The following ZNF804B variants were observed in gnomAD, a reference collection of about 807,000 sequenced individuals.
ZNF804B encodes zinc finger 804B.
ZNF804B carries 80 observed loss-of-function variants against 101.4 expected under a neutral mutation model. That is an observed-to-expected ratio of 0.79 (90% CI 0.66 to 0.95). The LOEUF is 0.95. ZNF804B is among the 40% of genes least tolerant of loss of function. The pLI is 0.00. For synonymous variants in ZNF804B, 622 were observed against 558.8 expected (o/e 1.11, Z -1.59); for missense variants, 1,673 against 1,561.9 (o/e 1.07, Z -1.20).
chr7:88,780,207 C>T (rs1229513262), intron 1 of ZNF804B, among the ~76,000 whole-genome samples: 1 of 151,950 alleles, frequency 6.6e-6, no homozygotes, highest in Non-Finnish European at 1.5e-5. Context: ...AAAGGGAACC[C>T]TTGTACACTG....
intron 2 of ZNF804B, among the ~76,000 whole-genome samples, chr7:89,233,172 C>T (rs11974916): frequency 0.29 from 44,060 of 151,964 alleles, 6,602 homozygotes; most frequent in South Asian, 0.34. Context: ...GTGATCCATC[C>T]GCCTCGGCCT....
intron 1 of ZNF804B, among the ~76,000 whole-genome samples, chr7:88,771,026 T>C (rs374760482): frequency 6.6e-6 from 1 of 152,168 alleles, no homozygotes; most frequent in Admixed American, 6.6e-5. Flanking sequence ...GGTGGTAAAC[T>C]CAGTACAACA....
intron 1 of ZNF804B, among the ~76,000 whole-genome samples, chr7:88,876,879 GATTA>G (rs1303580277): frequency 1.3e-5 from 2 of 149,016 alleles, no homozygotes; most frequent in African/African-American, 5.0e-5. Flanking sequence ...AAAGTATGTT[GATTA>G]AAGTGAAATT....
At chr7:89,191,446 C>T (rs558883398) in intron 1 of ZNF804B, among the ~76,000 whole-genome samples, 1 of 152,142 alleles carries the variant, frequency 6.6e-6, no homozygotes, top group African/African-American at 2.4e-5. Flanking sequence ...AAATTGCCAT[C>T]TGAATGCTTT....
At chr7:89,286,862 A>T (rs1382396230) in intron 2 of ZNF804B, among the ~76,000 whole-genome samples, 1 of 152,198 alleles carries the variant, frequency 6.6e-6, no homozygotes, top group Non-Finnish European at 1.5e-5. Flanking sequence ...AGCAAAATAT[A>T]GACAGAAATA....
chr7:88,882,756 A>G (rs549361418), intron 1 of ZNF804B, among the ~76,000 whole-genome samples: 1 of 152,260 alleles, frequency 6.6e-6, no homozygotes, highest in African/African-American at 2.4e-5. Flanking sequence ...GCAGGAATGG[A>G]AAAACAAATA....
At chr7:88,908,702 A>AT (rs1247068778) in intron 1 of ZNF804B, among the ~76,000 whole-genome samples, 1 of 151,692 alleles carries the variant, frequency 6.6e-6, no homozygotes, top group Non-Finnish European at 1.5e-5. Context: ...GAAGGGGAAC[A>AT]TTTTTTGCTC....
intron 1 of ZNF804B, among the ~76,000 whole-genome samples, chr7:89,103,924 G>T (rs1479818971): frequency 6.6e-6 from 1 of 151,808 alleles, no homozygotes; most frequent in Non-Finnish European, 1.5e-5. Context: ...TTTGTTGAGG[G>T]TTTTTAATCA....
At chr7:89,069,265 G>A (rs1381216544) in intron 1 of ZNF804B, among the ~76,000 whole-genome samples, 2 of 152,144 alleles carry the variant, frequency 1.3e-5, no homozygotes, top group Non-Finnish European at 2.9e-5. Flanking sequence ...GTTAAATGGA[G>A]TTTGATGGGG....
At chr7:89,259,738 T>G (rs370398308) in intron 2 of ZNF804B, among the ~76,000 whole-genome samples, 17 of 152,230 alleles carry the variant, frequency 1.1e-4, no homozygotes, top group African/African-American at 3.9e-4. Context: ...ATCCCAGCAC[T>G]TTGGGAGGTC....
intron 1 of ZNF804B, among the ~76,000 whole-genome samples, chr7:89,061,985 G>A: frequency 6.6e-6 from 1 of 151,932 alleles, no homozygotes; most frequent in East Asian, 1.9e-4. Context: ...TTCCTAGGGG[G>A]TCAGTTATTC....
chr7:88,877,005 A>AT (rs1487011441), intron 1 of ZNF804B, among the ~76,000 whole-genome samples: 13 of 85,030 alleles, frequency 1.5e-4, no homozygotes, highest in African/African-American at 9.8e-4. Flanking sequence ...TTTGAAAAAA[A>AT]AAATATATAT....
intron 1 of ZNF804B, among the ~76,000 whole-genome samples, chr7:88,975,091 C>T (rs1292330336): frequency 1.3e-5 from 2 of 151,358 alleles, no homozygotes; most frequent in South Asian, 4.1e-4. Context: ...CTATCCATTT[C>T]GTTGCAGATG....
In ZNF804B at chr7:89,171,288, GCTTCTTCTTCTTCTT is replaced by G. The variant is rs1203060273; in HGVS notation, c.109-46811_109-46797del. On this transcript the variant is annotated intron_variant, in intron 1 of 3. Coordinates refer to ENST00000333190, the MANE Select transcript of ZNF804B (RefSeq NM_181646.5). The stretch of plus-strand genomic sequence containing the variant: ...AGTAGGCACAAATAATGCTGCTGCT[GCTTCTTCTTCTTCTT>G]CTTCTTCTTCTTCTTCTTCTTCTTC... Among the ~76,000 whole-genome samples, 468 of 82,504 alleles carry G rather than the reference GCTTCTTCTTCTTCTT, an allele frequency of 5.7e-3. 8 individuals carry two copies. Among genetic ancestry groups the G allele is most frequent in the East Asian group, 0.026 (96 of 3,640 alleles). The allele number at this position is 82,504 out of a possible 152,430, so 54.1% of individuals were successfully genotyped here.
chr7:88,787,638 G>T (rs2115675399), intron 1 of ZNF804B, among the ~76,000 whole-genome samples: 1 of 152,224 alleles, frequency 6.6e-6, no homozygotes, highest in South Asian at 2.1e-4. Flanking sequence ...TGTTTTATGG[G>T]TTAACACCAA....
intron 1 of ZNF804B, among the ~76,000 whole-genome samples, chr7:88,766,208 G>T (rs577924719): frequency 6.6e-6 from 1 of 152,262 alleles, no homozygotes; most frequent in African/African-American, 2.4e-5. Flanking sequence ...CACTTGGAAG[G>T]CTGAGGAAGG....
intron 1 of ZNF804B, among the ~76,000 whole-genome samples, chr7:88,938,835 C>T (rs1464003467): frequency 6.6e-6 from 1 of 151,926 alleles, no homozygotes; most frequent in African/African-American, 2.4e-5. Flanking sequence ...ACTTAAGAAT[C>T]TATCATTCAA....
intron 2 of ZNF804B, among the ~76,000 whole-genome samples, chr7:89,296,993 C>T (rs1208893): frequency 0.91 from 138,408 of 152,072 alleles, 63,127 homozygotes; most frequent in East Asian, 1. Context: ...TTGCTTTGCA[C>T]TAACCAATAA....
intron 1 of ZNF804B, among the ~76,000 whole-genome samples, chr7:88,886,939 C>G (rs1424077879): frequency 6.6e-6 from 1 of 151,268 alleles, no homozygotes; most frequent in Non-Finnish European, 1.5e-5. Flanking sequence ...CATAAATTCT[C>G]TAATAGAAAA....
Sources: allele counts gnomAD v4.1 joint callset (sites outside exome capture counted in the v4.1 genomes callset), GRCh38; gene constraint gnomAD v4.1.1; transcripts MANE v1.5; gene names NCBI Gene and HGNC (gene_info 2026-07-23, HGNC 2026-07-21).